The following GABRB1 variants were observed in gnomAD, a reference collection of about 807,000 sequenced individuals.
GABRB1 encodes gamma-aminobutyric acid receptor subunit beta-1.
Under a neutral mutation model 51.6 loss-of-function variants are expected in GABRB1, and 17 were observed. The observed-to-expected ratio is 0.33, with a 90% confidence interval of 0.23 to 0.49. GABRB1 has a LOEUF of 0.49. Among genes scored for constraint, GABRB1 ranks in the 20% least tolerant of loss-of-function variants. The probability of loss-of-function intolerance (pLI) is 0.99; values close to 1 mark genes in which losing one functional copy is unlikely to be tolerated. For missense variants in GABRB1, 410 were observed against 600.6 expected (o/e 0.68, Z 3.32); for synonymous variants, 247 against 218.9 (o/e 1.13, Z -1.14).
At chr4:47,361,519 G>T (rs1284113853) in intron 5 of GABRB1, among the ~76,000 whole-genome samples, 1 of 152,086 alleles carries the variant, frequency 6.6e-6, no homozygotes, top group African/African-American at 2.4e-5. Flanking sequence ...TAGGCAAGAG[G>T]TAAAGTGAAC....
chr4:46,995,991 C>T (rs753557915), intron 1 of GABRB1, among the ~76,000 whole-genome samples: 5 of 150,796 alleles, frequency 3.3e-5, no homozygotes, highest in Non-Finnish European at 5.9e-5. Context: ...ATTTATGCCA[C>T]TTTTGTATTA....
At chr4:47,132,921 C>T (rs1484106234) in intron 3 of GABRB1, among the ~76,000 whole-genome samples, 2 of 152,112 alleles carry the variant, frequency 1.3e-5, no homozygotes, top group Non-Finnish European at 2.9e-5. Flanking sequence ...CATGTCTTTC[C>T]TCATTTTGTT....
At chr4:47,000,546 G>A (rs1299277763) in intron 1 of GABRB1, among the ~76,000 whole-genome samples, 2 of 152,270 alleles carry the variant, frequency 1.3e-5, no homozygotes, top group African/African-American at 4.8e-5. Flanking sequence ...TCATATGGTG[G>A]TTTTCCCTGG....
intron 4 of GABRB1, among the ~76,000 whole-genome samples, chr4:47,173,341 A>G (rs1279163985): frequency 6.6e-6 from 1 of 152,172 alleles, no homozygotes; most frequent in African/African-American, 2.4e-5. Context: ...TGTTATTTAC[A>G]TGTCTCTGCC....
intron 4 of GABRB1, among the ~76,000 whole-genome samples, chr4:47,230,135 G>T (rs1721086868): frequency 6.6e-6 from 1 of 152,192 alleles, no homozygotes; most frequent in South Asian, 2.1e-4. Flanking sequence ...TTAACATTTT[G>T]GTGAAGAAAA....
Position 47,139,876 on chromosome 4 carries a change from T to C in GABRB1, c.241-21373T>C, listed in dbSNP as rs1010862982. ...ATGTTGTAGGTCCATGGGCCACACT[T>C]TTAATAGAAATGTTCTACAGCATTT... On this transcript the variant is annotated intron_variant, in intron 3 of 8. Transcript: ENST00000295454. Among the ~76,000 whole-genome samples the C allele has an allele frequency of 1.5e-4, 23 of 151,988 alleles. 1 individual carries two copies. Among genetic ancestry groups the C allele is most frequent in the Non-Finnish European group, 3.1e-4 (21 of 67,970 alleles).
At chr4:47,377,030 A>C (rs1402618050) in intron 5 of GABRB1, among the ~76,000 whole-genome samples, 1 of 116,590 alleles carries the variant, frequency 8.6e-6, no homozygotes, top group Non-Finnish European at 1.7e-5. Context: ...TCTAGCAATG[A>C]ATTCTTTCAG....
At chr4:47,046,261 A>ATTTACATATGAAGCAC (rs1315756231) in intron 3 of GABRB1, among the ~76,000 whole-genome samples, 7 of 152,108 alleles carry the variant, frequency 4.6e-5, no homozygotes, top group Non-Finnish European at 1.0e-4. Flanking sequence ...GGACGGACTA[A>ATTTACATATGAAGCAC]TACAGTGCTT....
At chr4:47,278,662 T>G (rs779256355) in intron 4 of GABRB1, among the ~76,000 whole-genome samples, 9 of 152,156 alleles carry the variant, frequency 5.9e-5, no homozygotes, top group Non-Finnish European at 1.3e-4. Context: ...AACAGACACC[T>G]GCTGATCATA....
chr4:47,228,023 C>T (rs999369798), intron 4 of GABRB1, among the ~76,000 whole-genome samples: 1 of 152,124 alleles, frequency 6.6e-6, no homozygotes, highest in African/African-American at 2.4e-5. Flanking sequence ...CAGTCACATA[C>T]TGAAGTACTG....
At chr4:47,324,076 G>A (rs930200130) in intron 5 of GABRB1, among the ~76,000 whole-genome samples, 11 of 151,990 alleles carry the variant, frequency 7.2e-5, no homozygotes, top group African/African-American at 1.7e-4. Flanking sequence ...AAAAAGATCC[G>A]GACCTTAATC....
intron 4 of GABRB1, among the ~76,000 whole-genome samples, chr4:47,181,565 A>C (rs1260998537): frequency 6.6e-6 from 1 of 152,000 alleles, no homozygotes. Context: ...TCATGTAATT[A>C]TTTAATCTTC....
intron 4 of GABRB1, among the ~76,000 whole-genome samples, chr4:47,233,823 A>T (rs1455501180): frequency 6.6e-6 from 1 of 152,248 alleles, no homozygotes; most frequent in Non-Finnish European, 1.5e-5. Flanking sequence ...TTACACAAAT[A>T]GTGTATTTTA....
chr4:47,317,934 C>T (rs1236524278), intron 4 of GABRB1, among the ~76,000 whole-genome samples: 1 of 151,836 alleles, frequency 6.6e-6, no homozygotes, highest in Non-Finnish European at 1.5e-5. Flanking sequence ...TTTTAATGTG[C>T]TATTGAATTT....
chr4:47,346,918 G>A (rs2109993331), intron 5 of GABRB1, among the ~76,000 whole-genome samples: 1 of 152,178 alleles, frequency 6.6e-6, no homozygotes, highest in East Asian at 1.9e-4. Flanking sequence ...TGGACTGGAG[G>A]ATGAGTGTAA....
chr4:47,160,675 T>C (rs1297291616), intron 3 of GABRB1, among the ~76,000 whole-genome samples: 1 of 152,112 alleles, frequency 6.6e-6, no homozygotes, highest in Non-Finnish European at 1.5e-5. Context: ...CTTCAAACTT[T>C]AAAATTCAAT....
intron 3 of GABRB1, among the ~76,000 whole-genome samples, chr4:47,146,503 A>G (rs1208502155): frequency 2.0e-5 from 3 of 152,096 alleles, no homozygotes; most frequent in Non-Finnish European, 4.4e-5. Flanking sequence ...AAGCATAGAC[A>G]TTGCTCATTT....
chr4:47,246,277 C>CATAT (rs1160512931), intron 4 of GABRB1, among the ~76,000 whole-genome samples: 1,954 of 72,544 alleles, frequency 0.027, 103 homozygotes, highest in Non-Finnish European at 0.037. Context: ...AGTATTCCAT[C>CATAT]ATATATATAT....
intron 3 of GABRB1, among the ~76,000 whole-genome samples, chr4:47,080,078 T>C (rs1362193705): frequency 6.6e-6 from 1 of 152,082 alleles, no homozygotes; most frequent in Non-Finnish European, 1.5e-5. Flanking sequence ...CAATACAGAA[T>C]GAAACCCAAC....
Sources: allele counts gnomAD v4.1 joint callset (sites outside exome capture counted in the v4.1 genomes callset), GRCh38; gene constraint gnomAD v4.1.1; transcripts MANE v1.5; gene names NCBI Gene and HGNC (gene_info 2026-07-23, HGNC 2026-07-21).